Variants in PTPRG observed in about 807,000 individuals in gnomAD.
The protein encoded by PTPRG is protein tyrosine phosphatase receptor type G.
PTPRG carries 102 observed loss-of-function variants against 165.3 expected under a neutral mutation model. That is an observed-to-expected ratio of 0.62 (90% CI 0.53 to 0.73). The LOEUF (loss-of-function observed/expected upper bound fraction) is 0.73. PTPRG is among the 30% of genes least tolerant of loss of function. The pLI, the probability that PTPRG is intolerant of heterozygous loss-of-function variation, is 0.00. For synonymous variants in PTPRG, 675 were observed against 669.5 expected (o/e 1.01, Z -0.13); for missense variants, 1,866 against 1,861.4 (o/e 1.00, Z -0.05).
Position 61,975,099 on chromosome 3 carries a change from A to C in PTPRG, c.191-14526A>C, listed in dbSNP as rs186999265. 4.6e-3 allele frequency among the ~76,000 whole-genome samples: 695 copies of C among 152,272 alleles called. 6 individuals carry two copies. The highest frequency in any genetic ancestry group is 0.016 in the African/African-American group (652 of 41,550). On this transcript the variant is annotated intron_variant, in intron 2 of 29. Coordinates refer to ENST00000474889, the MANE Select transcript of PTPRG (RefSeq NM_002841.4). Reference sequence around the variant, plus strand: ...CTGCAATTTCTTCATTCAGAAAATGAGGGTAGTATTGTCAGGAGCAAATAA... The same window carrying C: ...CTGCAATTTCTTCATTCAGAAAATGCGGGTAGTATTGTCAGGAGCAAATAA...
chr3:61,728,953 T>C (rs1172223509), intron 1 of PTPRG, among the ~76,000 whole-genome samples: 2 of 151,620 alleles, frequency 1.3e-5, no homozygotes, highest in Non-Finnish European at 2.9e-5. Flanking sequence ...TCCTGGTTAC[T>C]TGAGAGTTTG....
intron 4 of PTPRG, among the ~76,000 whole-genome samples, chr3:62,049,349 C>T (rs1438072982): frequency 2.0e-5 from 3 of 152,098 alleles, no homozygotes; most frequent in East Asian, 3.9e-4. Context: ...TGAGATGTTT[C>T]GCCATTTGGT....
rs991842085 is a variant in PTPRG at position 62,229,397 on chromosome 3, G to A, written c.2289-1828G>A. 1.3e-5 allele frequency among the ~76,000 whole-genome samples: 2 copies of A among 152,256 alleles called. No homozygotes were observed. The highest frequency in any genetic ancestry group is 2.1e-4 in the South Asian group (1 of 4,820). ...AGAGCTGTCAGTTGTTATAGTAACC[G>A]GCCCCCTGCTGTCGAATTGGCCCTG... is the stretch of plus-strand genomic sequence containing the variant. On this transcript the variant is annotated intron_variant, in intron 13 of 29. Coordinates refer to ENST00000474889, the MANE Select transcript of PTPRG (RefSeq NM_002841.4). The surrounding 1 kb of genome is among the most constrained non-coding windows in gnomAD (Gnocchi z 4.6).
chr3:62,036,255 G>A (rs1210456271), intron 4 of PTPRG, among the ~76,000 whole-genome samples: 1 of 152,160 alleles, frequency 6.6e-6, no homozygotes, highest in Non-Finnish European at 1.5e-5. Flanking sequence ...TGAAGGAGGT[G>A]ACTCTGGTTT....
chr3:62,287,721 T>A (rs1702723451), intron 28 of PTPRG, among the ~76,000 whole-genome samples: 1 of 152,182 alleles, frequency 6.6e-6, no homozygotes, highest in Non-Finnish European at 1.5e-5. Context: ...ATACATTTGA[T>A]CAGTAGCATT....
At chr3:62,173,579 G>A (rs1267901963) in intron 8 of PTPRG, among the ~76,000 whole-genome samples, 2 of 152,196 alleles carry the variant, frequency 1.3e-5, no homozygotes, top group Non-Finnish European at 1.5e-5. Flanking sequence ...GGCCATGACT[G>A]TGAATGTGTT....
At position 61,950,375 on chromosome 3, in the gene PTPRG, TC is replaced by T. The variant is rs1223555958; in HGVS notation, c.191-39248del. ...CTTGATTGTGAGAACTTCTGGGAGT[TC>T]CAGTCTTGTGGAAGTTGTATCTTAT... On this transcript the variant is annotated intron_variant, in intron 2 of 29. Coordinates refer to ENST00000474889, the MANE Select transcript of PTPRG (RefSeq NM_002841.4). 9.2e-5 allele frequency among the ~76,000 whole-genome samples: 14 copies of T among 152,322 alleles called. No individual in the cohort carries two copies. In the South Asian group the frequency reaches 1.9e-3, roughly 20 times the overall value.
rs554145408 is a variant in PTPRG at position 62,229,399 on chromosome 3, C to A, written c.2289-1826C>A. Among the ~76,000 whole-genome samples the A allele has an allele frequency of 6.6e-6, 1 of 152,260 alleles. No individual in the cohort carries two copies. The highest frequency in any genetic ancestry group is 1.5e-5 in the Non-Finnish European group (1 of 68,022). On this transcript the variant is annotated intron_variant, in intron 13 of 29. Transcript: ENST00000474889. The surrounding 1 kb of genome is among the most constrained non-coding windows in gnomAD (Gnocchi z 4.6). ...AGCTGTCAGTTGTTATAGTAACCGG[C>A]CCCCTGCTGTCGAATTGGCCCTGAG...
chr3:62,185,697 A>G (rs186189717), intron 8 of PTPRG, among the ~76,000 whole-genome samples: 1 of 152,346 alleles, frequency 6.6e-6, no homozygotes, highest in Admixed American at 6.5e-5. Flanking sequence ...TAAAGCCCAT[A>G]TTTATATGTA....
intron 2 of PTPRG, among the ~76,000 whole-genome samples, chr3:61,773,650 T>C (rs780642844): frequency 2.6e-5 from 4 of 152,120 alleles, no homozygotes; most frequent in Non-Finnish European, 5.9e-5. Context: ...AAATTGAGGT[T>C]CATAAAGAAC....
chr3:61,737,255 C>T (rs1389477511), intron 1 of PTPRG, among the ~76,000 whole-genome samples: 1 of 152,080 alleles, frequency 6.6e-6, no homozygotes, highest in South Asian at 2.1e-4. Context: ...GTGTGTTTCA[C>T]TTTATTTTCA....
chr3:61,815,739 G>GTT (rs1337502455), intron 2 of PTPRG, among the ~76,000 whole-genome samples: 13 of 152,184 alleles, frequency 8.5e-5, no homozygotes, highest in Non-Finnish European at 1.9e-4. Flanking sequence ...ATTAGGTTAA[G>GTT]GGAAGCCCAC....
chr3:61,829,676 G>A (rs1234665858), intron 2 of PTPRG, among the ~76,000 whole-genome samples: 4 of 152,220 alleles, frequency 2.6e-5, no homozygotes, highest in South Asian at 2.1e-4. Context: ...ATTTCCAACA[G>A]TGATGACTCT....
intron 3 of PTPRG, among the ~76,000 whole-genome samples, chr3:61,997,401 G>A (rs892606712): frequency 3.9e-5 from 6 of 152,112 alleles, no homozygotes; most frequent in East Asian, 3.9e-4. Flanking sequence ...CTCACTGTCC[G>A]TGCCTCATGC....
chr3:61,854,619 C>T (rs576862350), intron 2 of PTPRG, among the ~76,000 whole-genome samples: 1 of 152,286 alleles, frequency 6.6e-6, no homozygotes, highest in African/African-American at 2.4e-5. Context: ...GCAGCATTGT[C>T]AGTCTGCTGG....
intron 1 of PTPRG, among the ~76,000 whole-genome samples, chr3:61,715,157 A>G (rs1006166250): frequency 1.3e-5 from 2 of 149,862 alleles, no homozygotes; most frequent in Non-Finnish European, 3.0e-5. Flanking sequence ...AGAGAGAATC[A>G]TCTCCTGCTT....
intron 2 of PTPRG, among the ~76,000 whole-genome samples, chr3:61,825,468 T>C (rs1197563378): frequency 6.6e-6 from 1 of 152,230 alleles, no homozygotes; most frequent in East Asian, 1.9e-4. Flanking sequence ...GTTTCATACC[T>C]ATTGTTTTGA....
At chr3:61,814,911 T>C (rs529888894) in intron 2 of PTPRG, among the ~76,000 whole-genome samples, 1 of 152,062 alleles carries the variant, frequency 6.6e-6, no homozygotes, top group African/African-American at 2.4e-5. Context: ...TTTATTGCTA[T>C]TTCATAAATA....
At chr3:61,750,143 G>T (rs1258058452) in intron 2 of PTPRG, 1 of 152,150 alleles carries the variant, frequency 6.6e-6, no homozygotes, top group Non-Finnish European at 1.5e-5. Context: ...TATCTAATTA[G>T]AGGCTTTTTG....
Sources: allele counts gnomAD v4.1 joint callset (sites outside exome capture counted in the v4.1 genomes callset), GRCh38; gene constraint gnomAD v4.1.1; non-coding constraint Gnocchi (gnomAD v3.1); transcripts MANE v1.5; gene names NCBI Gene and HGNC (gene_info 2026-07-23, HGNC 2026-07-21).